MACROD2: variants seen among roughly 807,000 people sequenced by gnomAD.
MACROD2 encodes the protein ADP-ribose glycohydrolase MACROD2.
In MACROD2, 36 loss-of-function variants were observed where a neutral mutation model predicts 70.4. That is an observed-to-expected ratio of 0.51 (90% CI 0.39 to 0.68). The LOEUF (loss-of-function observed/expected upper bound fraction) is 0.68. MACROD2 is among the 30% of genes least tolerant of loss of function. The pLI, the probability that MACROD2 is intolerant of heterozygous loss-of-function variation, is 0.00. For synonymous variants in MACROD2, 172 were observed against 178.8 expected (o/e 0.96, Z 0.30); for missense variants, 496 against 538.4 (o/e 0.92, Z 0.78).
intron 5 of MACROD2, among the ~76,000 whole-genome samples, chr20:15,156,100 C>T (rs1186230969): frequency 6.6e-6 from 1 of 152,136 alleles, no homozygotes; most frequent in Non-Finnish European, 1.5e-5. Flanking sequence ...AGTTGTTAAC[C>T]TTATCTCACT....
intron 8 of MACROD2, among the ~76,000 whole-genome samples, chr20:15,749,074 T>A (rs1384321626): frequency 1.3e-5 from 2 of 152,172 alleles, no homozygotes; most frequent in East Asian, 3.8e-4. Flanking sequence ...CATGTCTCCA[T>A]GACATTTTTA....
intron 8 of MACROD2, among the ~76,000 whole-genome samples, chr20:15,615,022 A>T (rs1289934039): frequency 1.3e-5 from 2 of 152,104 alleles, no homozygotes; most frequent in African/African-American, 2.4e-5. Context: ...GGGTATGGGG[A>T]ATGGCCCCTA....
intron 5 of MACROD2, among the ~76,000 whole-genome samples, chr20:15,045,719 G>GTTTTTT (rs71335981): frequency 1.4e-4 from 10 of 73,394 alleles, no homozygotes; most frequent in Non-Finnish European, 2.3e-4. Flanking sequence ...CCAGACCAGG[G>GTTTTTT]TTTTTTTTTT....
In MACROD2 at chr20:15,808,216, C is replaced by T. The variant is rs145302781; in HGVS notation, c.646-54529C>T. On this transcript the variant is annotated intron_variant, in intron 8 of 17. Transcript: ENST00000684519. ...GAATAAACCCCTTCCTTCTTTAACT[C>T]GGTGTCTGAGGGGTTTTGGCTGTGG... Among the ~76,000 whole-genome samples, 1,463 of 152,266 alleles carry T rather than the reference C, an allele frequency of 9.6e-3. 23 individuals are homozygous for T. The highest frequency in any genetic ancestry group is 0.069 in the East Asian group (355 of 5,168).
intron 8 of MACROD2, among the ~76,000 whole-genome samples, chr20:15,500,569 T>G (rs1412818449): frequency 6.6e-6 from 1 of 152,214 alleles, no homozygotes; most frequent in Non-Finnish European, 1.5e-5. Context: ...TGCATTTTTC[T>G]TCTGATTTTG....
At chr20:15,965,853 TTTAGAC>T (rs1568672743) in intron 12 of MACROD2, among the ~76,000 whole-genome samples, 1 of 152,182 alleles carries the variant, frequency 6.6e-6, no homozygotes, top group African/African-American at 2.4e-5. Context: ...AATTTGGACT[TTTAGAC>T]TTATTGTCAG....
chr20:15,796,127 G>A lies in MACROD2; in HGVS notation c.646-66618G>A, dbSNP rs183401012. ...GCAATTTGGGATAGCAGAAATGGAC[G>A]CAGGTATTAATGGAAGGAGATTGTA... On this transcript the variant is annotated intron_variant, in intron 8 of 17. Transcript: ENST00000684519. Among the ~76,000 whole-genome samples, 9 of 152,294 alleles carry A rather than the reference G, an allele frequency of 5.9e-5. No individual in the cohort carries two copies. The South Asian group carries it at 8.3e-4, about 14-fold the overall frequency.
At chr20:14,165,991 C>T (rs1473131918) in intron 3 of MACROD2, among the ~76,000 whole-genome samples, 3 of 152,094 alleles carry the variant, frequency 2.0e-5, no homozygotes, top group Non-Finnish European at 4.4e-5. Context: ...ACATAAAATG[C>T]TCTTGCATAT....
chr20:15,934,345 GA>G (rs973415395), intron 11 of MACROD2, among the ~76,000 whole-genome samples: 9 of 152,184 alleles, frequency 5.9e-5, no homozygotes, highest in Non-Finnish European at 1.0e-4. Context: ...CTGGAAGACG[GA>G]ACTGAAGAAG....
chr20:14,704,411 C>T lies in MACROD2; in HGVS notation c.418+19452C>T, dbSNP rs2071243371. Among the ~76,000 whole-genome samples, 4 of 152,196 alleles carry T rather than the reference C, an allele frequency of 2.6e-5. 1 individual carries two copies. The South Asian group carries it at 8.3e-4, about 32-fold the overall frequency. On this transcript the variant is annotated intron_variant, in intron 5 of 17. Coordinates refer to ENST00000684519, the MANE Select transcript of MACROD2 (RefSeq NM_001351661.2). ...TATGAACCTTGTGGCCCTCAGATTT[C>T]TCAGTGGGATCGGGCTCCAGTTACC...
chr20:15,115,373 G>T (rs1702333417), intron 5 of MACROD2, among the ~76,000 whole-genome samples: 1 of 152,074 alleles, frequency 6.6e-6, no homozygotes, highest in East Asian at 1.9e-4. Flanking sequence ...GGGACAACAG[G>T]TGTGCACCAC....
intron 8 of MACROD2, among the ~76,000 whole-genome samples, chr20:15,561,911 A>G (rs536508546): frequency 1.3e-5 from 2 of 152,048 alleles, no homozygotes; most frequent in Non-Finnish European, 2.9e-5. Context: ...GATCTCAACA[A>G]TTATGCATGT....
chr20:15,522,898 C>T (rs1233775), intron 8 of MACROD2, among the ~76,000 whole-genome samples: 57,945 of 152,044 alleles, frequency 0.38, 13,316 homozygotes, highest in African/African-American at 0.65. Flanking sequence ...GTGAAAATGA[C>T]AGTATGACAC....
At chr20:14,049,976 CAGG>C (rs2053542420) in intron 2 of MACROD2, among the ~76,000 whole-genome samples, 1 of 150,422 alleles carries the variant, frequency 6.6e-6, no homozygotes, top group South Asian at 2.1e-4. Flanking sequence ...CCCAGCTACT[CAGG>C]AGGCAGAGGC....
chr20:15,258,588 C>A (rs1188896583), intron 6 of MACROD2, among the ~76,000 whole-genome samples: 1 of 152,030 alleles, frequency 6.6e-6, no homozygotes, highest in East Asian at 1.9e-4. Flanking sequence ...GTAGGCTACA[C>A]CATCTAGGTT....
intron 6 of MACROD2, among the ~76,000 whole-genome samples, chr20:15,340,122 CTTTCTTTCTTTTTTTTTTTTTT>C: frequency 1.2e-5 from 1 of 81,890 alleles, no homozygotes; most frequent in East Asian, 4.1e-4. Context: ...TTCTTTCTTT[CTTTCTTTCTTTTTTTTTTTTTT>C]TTTTTTTTTT....
intron 8 of MACROD2, among the ~76,000 whole-genome samples, chr20:15,765,143 C>G (rs2051502167): frequency 6.6e-6 from 1 of 152,160 alleles, no homozygotes; most frequent in Admixed American, 6.5e-5. Flanking sequence ...GCTCTATAGG[C>G]TCTTACCCCT....
chr20:14,352,294 G>T (rs748926057), intron 3 of MACROD2: 8 of 152,018 alleles, frequency 5.3e-5, no homozygotes, highest in Non-Finnish European at 1.0e-4. Context: ...TTTCAAGATT[G>T]TGAGCAAGTT....
rs530384640 is a variant in MACROD2 at position 15,037,689 on chromosome 20, T to C, written c.419-192251T>C. On this transcript the variant is annotated intron_variant, in intron 5 of 17. Coordinates refer to ENST00000684519, the MANE Select transcript of MACROD2 (RefSeq NM_001351661.2). The stretch of plus-strand genomic sequence containing the variant: ...AACTATTTTAACTTTAACTCTTTTT[T>C]TTTTTGAACCAGACTTGATGACAAT... Among the ~76,000 whole-genome samples, 10 of 152,312 alleles carry C rather than the reference T, an allele frequency of 6.6e-5. No individual in the cohort carries two copies. The East Asian group carries it at 1.9e-3, about 29-fold the overall frequency.
Sources: gnomAD v4.1 joint callset for allele counts (sites outside exome capture counted in the v4.1 genomes callset) on GRCh38, gnomAD v4.1.1 for gene constraint, MANE v1.5 for transcripts, NCBI Gene and HGNC (gene_info 2026-07-23, HGNC 2026-07-21) for gene names.